The following MOV10L1 variants were observed in gnomAD, a reference collection of about 807,000 sequenced individuals.
The protein encoded by MOV10L1 is Mov10 like RNA helicase 1.
MOV10L1 carries 110 observed loss-of-function variants against 143.8 expected under a neutral mutation model. The ratio of observed to expected loss-of-function variants is 0.76; its 90% CI spans 0.66 to 0.90. The LOEUF (loss-of-function observed/expected upper bound fraction) is 0.90. Among genes scored for constraint, MOV10L1 ranks in the 40% least tolerant of loss-of-function variants. The probability of loss-of-function intolerance (pLI) is 0.00; values close to 1 mark genes in which losing one functional copy is unlikely to be tolerated. For synonymous variants in MOV10L1, 593 were observed against 581.1 expected (o/e 1.02, Z -0.29); for missense variants, 1,406 against 1,526.8 (o/e 0.92, Z 1.32).
At position 50,158,301 on chromosome 22, in the gene MOV10L1, T is replaced by A. The variant is rs2063478071; in HGVS notation, c.3216+95T>A. On this transcript the variant is annotated intron_variant, in intron 23 of 26. Transcript: ENST00000262794. This position sits in a 1 kb window ranked among gnomAD's most constrained non-coding sequence, Gnocchi z 5.0. ...CACAGAGGCAGGAACAAGCTCCTTG[T>A]GAGCAGCAGCAGGTTTTTAAAGGGG... 1.3e-6 allele frequency: 2 copies of A among 1,485,060 alleles called. No homozygotes were observed. Among genetic ancestry groups the A allele is most frequent in the Admixed American group, 2.0e-5 (1 of 49,514 alleles). 92.0% of individuals were successfully genotyped at this position (1,485,060 alleles called of 1,614,324 possible).
At chr22:50,108,883 GC>G in intron 5 of MOV10L1, 39 bp downstream of exon 5, 1 of 1,596,546 alleles carries the variant, frequency 6.3e-7, no homozygotes, top group Middle Eastern at 1.8e-4. Flanking sequence ...GGTGGCTAAC[GC>G]CTGTAATCCT....
At chr22:50,145,856 G>A in intron 19 of MOV10L1, 46 bp downstream of exon 19, 2 of 1,609,248 alleles carry the variant, frequency 1.2e-6, no homozygotes, top group Non-Finnish European at 1.7e-6. Context: ...CCAGGGCAGA[G>A]GTCGGAGTCC....
At chr22:50,148,679 T>TA (rs2063217442) in intron 19 of MOV10L1, among the ~76,000 whole-genome samples, 1 of 144,746 alleles carries the variant, frequency 6.9e-6, no homozygotes, top group African/African-American at 2.5e-5. Flanking sequence ...TTTTTTTTTT[T>TA]ATGAGATGGA....
chr22:50,108,194 G>A lies in MOV10L1; in HGVS notation c.501G>A (p.Thr167=), dbSNP rs777425873. 6.2e-6 allele frequency: 10 copies of A among 1,614,000 alleles called. No individual in the cohort carries two copies. Among genetic ancestry groups the A allele is most frequent in the Middle Eastern group, 1.6e-4 (1 of 6,084 alleles). ...VEAEYRIRPG[T]WSSEATSVKP... is the part of the protein sequence containing the mutation. Reference sequence around the variant, plus strand: ...CTGAGTACCGGATCCGGCCTGGCACGTGGAGCAGCGAAGCCACCTCAGTGA... The same window carrying A: ...CTGAGTACCGGATCCGGCCTGGCACATGGAGCAGCGAAGCCACCTCAGTGA... Residue 167 remains threonine (T), a synonymous_variant, in exon 4 of 27, where the codon ACG becomes ACA. Transcript: ENST00000262794.
chr22:50,126,496 TA>T (rs2062510323), intron 12 of MOV10L1, among the ~76,000 whole-genome samples: 1 of 152,254 alleles, frequency 6.6e-6, no homozygotes, highest in African/African-American at 2.4e-5. Flanking sequence ...AGGTTATATG[TA>T]AGTCATGAGG....
rs2062314420 is a variant in MOV10L1, at chr22:50,120,684, G to A, written c.1569+68G>A. On this transcript the variant is annotated intron_variant, in intron 10 of 26. Transcript: ENST00000262794. ...ATGCTCTTGTTTTCTGACAAAGCCAGGAGGTTCCTTCTCAGGTTCAGACCT... is the reference window on the plus strand; with the variant it reads ...ATGCTCTTGTTTTCTGACAAAGCCAAGAGGTTCCTTCTCAGGTTCAGACCT... 5 of 1,165,966 alleles carry A rather than the reference G, an allele frequency of 4.3e-6. No homozygotes were observed. The Admixed American group carries it at 8.0e-5, about 19-fold the overall frequency. The allele number at this position is 1,165,966 out of a possible 1,614,324, so 72.2% of individuals were successfully genotyped here.
intron 17 of MOV10L1, among the ~76,000 whole-genome samples, chr22:50,143,798 G>A (rs34312500): frequency 0.021 from 3,133 of 152,336 alleles, 56 homozygotes; most frequent in Middle Eastern, 0.044. Flanking sequence ...TTAGCAAACA[G>A]GTATTGAGCG....
chr22:50,160,184 A>T lies in MOV10L1; in HGVS notation c.3324+399A>T, dbSNP rs1219218521. 3.0e-5 allele frequency among the ~76,000 whole-genome samples: 4 copies of T among 133,084 alleles called. No individual in the cohort carries two copies. In the East Asian group the frequency reaches 8.7e-4, roughly 29 times the overall value. 87.3% of individuals were successfully genotyped at this position (133,084 alleles called of 152,430 possible). ...TGCAGATGGAGTGCCGATGAGACCC[A>T]CCCCTTTCTGCTGCCCTTCCTCCTC... On this transcript the variant is annotated intron_variant, in intron 24 of 26. Transcript: ENST00000262794.
At chr22:50,123,100 A>G (rs1467301735) in intron 10 of MOV10L1, among the ~76,000 whole-genome samples, 1 of 151,046 alleles carries the variant, frequency 6.6e-6, no homozygotes, top group Non-Finnish European at 1.5e-5. Flanking sequence ...AATCCCAGCT[A>G]CCTGGGAGGC....
chr22:50,094,197 G>A (rs2062528605), intron 2 of MOV10L1: 1 of 152,046 alleles, frequency 6.6e-6, no homozygotes, highest in African/African-American at 2.4e-5. Flanking sequence ...TGATATTTGG[G>A]TCATATGGAG....
intron 9 of MOV10L1, among the ~76,000 whole-genome samples, chr22:50,118,262 T>G (rs866047600): frequency 4.0e-5 from 6 of 151,030 alleles, no homozygotes; most frequent in South Asian, 2.1e-4. Context: ...AGAAGCTGTG[T>G]GACCTTGGGC....
At chr22:50,126,124 G>A in intron 11 of MOV10L1, 78 bp from the exon 12 acceptor site, 3 of 982,850 alleles carry the variant, frequency 3.1e-6, no homozygotes, top group Non-Finnish European at 1.6e-6. Flanking sequence ...AACCTCCTCA[G>A]TGTTGGATTT....
At position 50,147,057 on chromosome 22, in the gene MOV10L1, G is replaced by A. The variant is rs767907259; in HGVS notation, c.2627+1247G>A. ...TGTGTGTTGATGAGTCAAAGGTCAA[G>A]AGCCGAAGAGCCAGTCCTCACTGGG... On this transcript the variant is annotated intron_variant, in intron 19 of 26. Coordinates refer to ENST00000262794, the MANE Select transcript of MOV10L1 (RefSeq NM_018995.3). The A allele has an allele frequency of 9.3e-4, 1,452 of 1,553,488 alleles. 3 individuals carry two copies. Among genetic ancestry groups the A allele is most frequent in the Non-Finnish European group, 9.1e-4 (1,039 of 1,147,946 alleles).
At chr22:50,139,489 A>T (rs1170298526) in intron 15 of MOV10L1, among the ~76,000 whole-genome samples, 1 of 152,000 alleles carries the variant, frequency 6.6e-6, no homozygotes, top group Non-Finnish European at 1.5e-5. Context: ...AGGCTGGAGG[A>T]TCTCTTGAGC....
chr22:50,144,238 G>A lies in MOV10L1; in HGVS notation c.2500G>A (p.Glu834Lys), dbSNP rs761285275. 12 of 1,600,246 alleles carry A rather than the reference G, an allele frequency of 7.5e-6. No individual in the cohort carries two copies. The highest frequency in any genetic ancestry group is 2.2e-5 in the East Asian group (1 of 44,504). ...CCGGGTGAACGCCACCTGCAGGTTC[G>A]AGGAGGTGAGCCCTTGGTGCAAGCA... Reference protein sequence around the residue: ...MVRVNATCRFEEIVIDAVKPY... With the variant: ...MVRVNATCRFKEIVIDAVKPY... The change falls in exon 18 of 27, where the codon GAG becomes AAG. Residue 834 changes from glutamate (E) to lysine (K), a missense_variant. By Grantham distance (56) the Glu-to-Lys change is moderately conservative (BLOSUM62 1). Around this residue, in one of 3 missense-constraint regions of MOV10L1, gnomAD observed 1,233 missense variants for 1,351.4 expected, o/e 0.91. Transcript: ENST00000262794.
rs764554563 is a variant in MOV10L1 at position 50,142,186 on chromosome 22, T to G, written c.2176T>G (p.Trp726Gly). The G allele has an allele frequency of 6.2e-7, 1 of 1,610,402 alleles. No individual in the cohort carries two copies. The highest frequency in any genetic ancestry group is 2.2e-5 in the East Asian group (1 of 44,588). ...LAPFTAEMSD[W>G]VDEIQTPKAR... ...ACCCTTTACTGCAGAGATGAGCGAT[T>G]GGGGTATGTGCTCATGAGGGGCAAG... is the stretch of plus-strand genomic sequence containing the variant. Residue 726 changes from tryptophan to glycine, a missense_variant, in exon 16 of 27, where the codon TGG becomes GGG. Trp to Gly is a radical substitution (Grantham distance 184). This residue lies in a region of MOV10L1 where 1,233 missense variants were observed against 1,351.4 expected (regional missense o/e 0.91). Coordinates refer to ENST00000262794, the MANE Select transcript of MOV10L1 (RefSeq NM_018995.3).
chr22:50,117,390 G>T (rs2062210931), intron 9 of MOV10L1, 39 bp downstream of exon 9: 2 of 1,599,310 alleles, frequency 1.3e-6, no homozygotes, highest in Middle Eastern at 1.9e-4. Flanking sequence ...TGGTCTGGCA[G>T]TTTTATCTGT....
intron 19 of MOV10L1, among the ~76,000 whole-genome samples, chr22:50,148,128 C>T (rs919584232): frequency 6.6e-6 from 1 of 152,218 alleles, no homozygotes; most frequent in Non-Finnish European, 1.5e-5. Context: ...AACGTGGGCT[C>T]GGCAGTGAGG....
At chr22:50,156,319 T>G (rs959041410) in intron 22 of MOV10L1, among the ~76,000 whole-genome samples, 2 of 152,102 alleles carry the variant, frequency 1.3e-5, no homozygotes, top group Non-Finnish European at 2.9e-5. Context: ...TTTCACCATG[T>G]TGGCCAGGCT....
Sources: allele counts gnomAD v4.1 joint callset (sites outside exome capture counted in the v4.1 genomes callset), GRCh38; gene constraint gnomAD v4.1.1; regional missense constraint gnomAD v4.1.1; non-coding constraint Gnocchi (gnomAD v3.1); transcripts MANE v1.5; gene names NCBI Gene and HGNC (gene_info 2026-07-23, HGNC 2026-07-21).